SYNE2: variants seen among roughly 807,000 people sequenced by gnomAD.
SYNE2 encodes nesprin-2.
SYNE2 carries 431 observed loss-of-function variants against 856.3 expected under a neutral mutation model. The ratio of observed to expected loss-of-function variants is 0.50; its 90% CI spans 0.47 to 0.55. SYNE2 has a LOEUF of 0.55. Ranked by LOEUF, SYNE2 falls within the 20% of genes least tolerant of loss-of-function variation. The pLI is 0.00. For missense variants in SYNE2, 8,129 were observed against 8,023.2 expected (o/e 1.01, Z -0.50); for synonymous variants, 2,923 against 2,872.3 (o/e 1.02, Z -0.56).
chr14:63,762,435 CA>C (rs71120281), intron 1 of SYNE2, among the ~76,000 whole-genome samples: 174 of 64,144 alleles, frequency 2.7e-3, no homozygotes, highest in Middle Eastern at 7.5e-3. Context: ...AACTCCATCT[CA>C]AAAAAAAAAA....
intron 45 of SYNE2, among the ~76,000 whole-genome samples, chr14:64,037,605 A>G (rs1595041722): frequency 6.6e-6 from 1 of 151,022 alleles, no homozygotes; most frequent in Non-Finnish European, 1.5e-5. Context: ...ATTCCACAAA[A>G]CCGCCATTGT....
chr14:64,146,229 G>T lies in SYNE2; in HGVS notation c.15639+6G>T, dbSNP rs1369778558. ...AGCTGCTCCTGGACTGTCAGGTGAG[G>T]AGGGGAACAGCATCCCACCCAACCC... On this transcript the variant is annotated splice_donor_region_variant and intron_variant, in intron 84 of 115. Transcript: ENST00000555002. The T allele has an allele frequency of 1.2e-6, 2 of 1,603,968 alleles. No individual in the cohort carries two copies. Among genetic ancestry groups the T allele is most frequent in the African/African-American group, 1.3e-5 (1 of 74,574 alleles).
At chr14:64,156,134 T>C (rs2098283302) in intron 85 of SYNE2, among the ~76,000 whole-genome samples, 1 of 152,222 alleles carries the variant, frequency 6.6e-6, no homozygotes. Context: ...GTTTTTAGTA[T>C]AGTGAATTTT....
intron 1 of SYNE2, among the ~76,000 whole-genome samples, chr14:63,847,778 G>C (rs1328224226): frequency 6.6e-6 from 1 of 151,812 alleles, no homozygotes; most frequent in Non-Finnish European, 1.5e-5. Context: ...TAGAGATGGG[G>C]TTTCACCGTG....
chr14:64,107,590 CCCAA>C lies in SYNE2; in HGVS notation c.12597_12600del (p.Asn4199LysfsTer65). 6.2e-7 allele frequency: 1 copy of C among 1,614,044 alleles called. No individual in the cohort carries two copies. On this transcript the variant is annotated frameshift_variant, in exon 65 of 116. Coordinates refer to ENST00000555002, the MANE Select transcript of SYNE2 (RefSeq NM_182914.3). LOFTEE classifies it high-confidence loss of function. ...GCAAGGCCCAGAATGTTCCCTAAGG[CCCAA>C]CCAAACAGAAGAGGTAAGTCCTGGT...
chr14:63,833,141 CA>C (rs1198545784), intron 1 of SYNE2, among the ~76,000 whole-genome samples: 1 of 151,946 alleles, frequency 6.6e-6, no homozygotes, highest in African/African-American at 2.4e-5. Flanking sequence ...CCCAGGATTT[CA>C]AGGCTGCAGT....
At position 64,049,750 on chromosome 14, in the gene SYNE2, A is replaced by T; in HGVS notation, c.7517A>T (p.Gln2506Leu). The change falls in exon 47 of 116, where the codon CAG (glutamine) becomes CTG (leucine). Residue 2506 changes from glutamine to leucine, a missense_variant. This residue lies in a region of SYNE2 where 5,410 missense variants were observed against 5,284.8 expected (regional missense o/e 1.02). Transcript: ENST00000555002. The stretch of plus-strand genomic sequence containing the variant: ...GCACAGCATTTGGACAATTTGCTTC[A>T]GGCACTTATTACTTTGAAGAAAAAC... ...YSAQHLDNLL[Q>L]ALITLKKNKE... 2 of 1,614,182 alleles carry T rather than the reference A, an allele frequency of 1.2e-6. No individual in the cohort carries two copies. The highest frequency in any genetic ancestry group is 8.5e-7 in the Non-Finnish European group (1 of 1,180,016).
intron 33 of SYNE2, 40 bp downstream of exon 33, chr14:64,016,671 TC>T: frequency 7.2e-7 from 1 of 1,396,304 alleles, no homozygotes; most frequent in Non-Finnish European, 1.0e-6. Context: ...TAATTTTGTT[TC>T]CAATATTTTG....
intron 1 of SYNE2, among the ~76,000 whole-genome samples, chr14:63,781,488 C>CT (rs892250314): frequency 8.8e-5 from 13 of 147,476 alleles, no homozygotes; most frequent in Admixed American, 1.4e-4. Context: ...CTTTTTTTTT[C>CT]TTTTTTTTTT....
At chr14:64,066,885 G>A (rs1242535486) in intron 51 of SYNE2, among the ~76,000 whole-genome samples, 1 of 152,214 alleles carries the variant, frequency 6.6e-6, no homozygotes, top group African/African-American at 2.4e-5. Context: ...CCCAGGTAGA[G>A]ATTGATTAAG....
chr14:63,943,730 G>T (rs1229783637), intron 6 of SYNE2, among the ~76,000 whole-genome samples: 3 of 151,422 alleles, frequency 2.0e-5, no homozygotes, highest in Non-Finnish European at 2.9e-5. Context: ...GAGTGCAGTG[G>T]CACGATCTCG....
In SYNE2 at chr14:64,074,609, G is replaced by A. The variant is rs556671120; in HGVS notation, c.10866+473G>A. ...GTTTGGAAGTTTATTCAAAAGTCAC[G>A]TGTTGGCCGGACATGGTGGCTCACA... On this transcript the variant is annotated intron_variant, in intron 53 of 115. Coordinates refer to ENST00000555002, the MANE Select transcript of SYNE2 (RefSeq NM_182914.3). Among the ~76,000 whole-genome samples the A allele has an allele frequency of 3.9e-5, 6 of 152,238 alleles. No individual in the cohort carries two copies. The South Asian group carries it at 1.0e-3, about 26-fold the overall frequency.
chr14:64,079,334 C>T (rs1025434817), intron 55 of SYNE2, among the ~76,000 whole-genome samples: 19 of 152,182 alleles, frequency 1.2e-4, no homozygotes, highest in African/African-American at 4.6e-4. Flanking sequence ...TACATAAACA[C>T]TATTCTCCTT....
chr14:64,099,063 A>G lies in SYNE2; in HGVS notation c.12381+242A>G, dbSNP rs1475814680. ...CTTGTTGGCATACGGGAGAAGGTGAAGAAGTTCTCTGTAGTATCCTGATTT... is the reference window on the plus strand; with the variant it reads ...CTTGTTGGCATACGGGAGAAGGTGAGGAAGTTCTCTGTAGTATCCTGATTT... On this transcript the variant is annotated intron_variant, in intron 63 of 115. Transcript: ENST00000555002. 8.1e-6 allele frequency: 4 copies of G among 493,402 alleles called. No homozygotes were observed. In the East Asian group the frequency reaches 1.6e-4, roughly 19 times the overall value. The allele number at this position is 493,402 out of a possible 1,614,324, so 30.6% of individuals were successfully genotyped here.
intron 94 of SYNE2, among the ~76,000 whole-genome samples, chr14:64,171,916 T>A (rs982470410): frequency 2.6e-5 from 4 of 152,176 alleles, no homozygotes; most frequent in Non-Finnish European, 5.9e-5. Context: ...AGTGTTGCGA[T>A]CTTGGCTCAC....
Position 64,089,592 on chromosome 14 carries a change from T to A in SYNE2, c.11689T>A (p.Ser3897Thr). Residue 3897 changes from serine to threonine, a missense_variant, in exon 59 of 116, where the codon TCT becomes ACT. Ser to Thr is a moderately conservative substitution (Grantham distance 58, BLOSUM62 1). This residue lies in a region of SYNE2 where 5,410 missense variants were observed against 5,284.8 expected (regional missense o/e 1.02). Transcript: ENST00000555002. ...ATTCTAGGATGTGGTTGCTATTGAA[T>A]CTGAAGTAAAATCAATGGAAAAAAG... ...RMADDVVAIE[S>T]EVKSMEKRVS... The A allele has an allele frequency of 6.2e-7, 1 of 1,610,116 alleles. No individual in the cohort carries two copies. The highest frequency in any genetic ancestry group is 8.5e-7 in the Non-Finnish European group (1 of 1,177,248).
chr14:63,865,408 A>C (rs1894930657), intron 1 of SYNE2, among the ~76,000 whole-genome samples: 1 of 150,010 alleles, frequency 6.7e-6, no homozygotes. Context: ...TAATTTTGTA[A>C]AGCATTTGCC....
intron 1 of SYNE2, among the ~76,000 whole-genome samples, chr14:63,888,459 G>A (rs988942888): frequency 6.6e-6 from 1 of 152,110 alleles, no homozygotes; most frequent in Non-Finnish European, 1.5e-5. Flanking sequence ...CCTTGTTACT[G>A]CTGCCTATTC....
chr14:63,788,095 C>T (rs886632194), intron 1 of SYNE2, among the ~76,000 whole-genome samples: 2 of 152,354 alleles, frequency 1.3e-5, no homozygotes, highest in East Asian at 3.9e-4. Context: ...ATAAGCACTG[C>T]CGCAAGCTTG....
Sources: allele counts gnomAD v4.1 joint callset (sites outside exome capture counted in the v4.1 genomes callset), GRCh38; gene constraint gnomAD v4.1.1; regional missense constraint gnomAD v4.1.1; transcripts MANE v1.5; gene names NCBI Gene and HGNC (gene_info 2026-07-23, HGNC 2026-07-21).